ICA1: variants seen among roughly 807,000 people sequenced by gnomAD.
The protein encoded by ICA1 is 69 kDa islet cell autoantigen.
In ICA1, 40 loss-of-function variants were observed where a neutral mutation model predicts 71.0. The ratio of observed to expected loss-of-function variants is 0.56; its 90% CI spans 0.44 to 0.73. The LOEUF is 0.73. Among genes scored for constraint, ICA1 ranks in the 30% least tolerant of loss-of-function variants. The pLI, the probability that ICA1 is intolerant of heterozygous loss-of-function variation, is 0.00. For missense variants in ICA1, 578 were observed against 576.5 expected, an observed-to-expected ratio of 1.00 and a Z score of -0.03; for synonymous variants, 207 against 209.5, an observed-to-expected ratio of 0.99 and a Z score of 0.10.
At chr7:8,189,965 C>T (rs920925751) in intron 6 of ICA1, among the ~76,000 whole-genome samples, 5 of 152,158 alleles carry the variant, frequency 3.3e-5, no homozygotes, top group African/African-American at 7.2e-5. Context: ...GTTCTTTATT[C>T]GTAATGAAGT....
At chr7:8,155,528 A>T (rs1359553567) in intron 8 of ICA1, among the ~76,000 whole-genome samples, 1 of 152,152 alleles carries the variant, frequency 6.6e-6, no homozygotes, top group African/African-American at 2.4e-5. Context: ...TATGCAACTA[A>T]CTCATGCCTG....
intron 6 of ICA1, among the ~76,000 whole-genome samples, chr7:8,162,614 T>C (rs952255786): frequency 6.6e-6 from 1 of 152,228 alleles, no homozygotes; most frequent in Non-Finnish European, 1.5e-5. Context: ...CCTAGATAAG[T>C]TATATTCTAT....
chr7:8,159,266 T>C (rs1315595090), intron 6 of ICA1, among the ~76,000 whole-genome samples: 1 of 152,180 alleles, frequency 6.6e-6, no homozygotes, highest in Non-Finnish European at 1.5e-5. Flanking sequence ...TACTACTGAG[T>C]AACGTGTACT....
chr7:8,242,661 T>C (rs4559144), intron 1 of ICA1, among the ~76,000 whole-genome samples: 67,553 of 151,804 alleles, frequency 0.45, 17,005 homozygotes, highest in African/African-American at 0.69. Context: ...AATTGATAGA[T>C]CACTAGCAAG....
chr7:8,185,902 A>G (rs1313820637), intron 6 of ICA1, among the ~76,000 whole-genome samples: 2 of 152,226 alleles, frequency 1.3e-5, no homozygotes, highest in Non-Finnish European at 2.9e-5. Flanking sequence ...CCAGGCATGT[A>G]GGAGCCTGGG....
rs765800078 is a variant in ICA1, at chr7:8,185,006, G to A, written c.580-26354C>T. Among the ~76,000 whole-genome samples, 40 of 151,928 alleles carry A rather than the reference G, an allele frequency of 2.6e-4. 1 individual carries two copies. The highest frequency in any genetic ancestry group is 8.3e-4 in the South Asian group (4 of 4,806). On this transcript the variant is annotated intron_variant, in intron 6 of 13. Transcript: ENST00000402384. ...GGAGAATTGTTTGAACCTGGGAGGCGGAGGCTGCAGTGACCTGAGATTGTG... is the reference window on the plus strand; with the variant it reads ...GGAGAATTGTTTGAACCTGGGAGGCAGAGGCTGCAGTGACCTGAGATTGTG...
At chr7:8,237,819 G>GACAGACAC (rs948194233) in intron 1 of ICA1, among the ~76,000 whole-genome samples, 1 of 142,088 alleles carries the variant, frequency 7.0e-6, no homozygotes, top group Admixed American at 7.1e-5. Context: ...GTTGAAGACA[G>GACAGACAC]ACACACACAC....
rs75837556 is a variant in ICA1 at position 8,125,191 on chromosome 7, C to T, written c.1330+2682G>A. Among the ~76,000 whole-genome samples, 707 of 152,308 alleles carry T rather than the reference C, an allele frequency of 4.6e-3. 2 individuals are homozygous for T. Among genetic ancestry groups the T allele is most frequent in the African/African-American group, 0.016 (646 of 41,560 alleles). Reference sequence around the variant, plus strand: ...AAATAGGAAATCAGATCATGTTTCTCTTTGGCTCAAGATCCTGTGATGGCT... The same window carrying T: ...AAATAGGAAATCAGATCATGTTTCTTTTTGGCTCAAGATCCTGTGATGGCT... On this transcript the variant is annotated intron_variant, in intron 13 of 13. Transcript: ENST00000402384.
chr7:8,198,501 T>C (rs888331554), intron 6 of ICA1, among the ~76,000 whole-genome samples: 5 of 152,042 alleles, frequency 3.3e-5, no homozygotes, highest in African/African-American at 1.2e-4. Context: ...TGCAGAGACG[T>C]TGATGTGGTT....
chr7:8,201,540 C>T (rs1789688220), intron 6 of ICA1, among the ~76,000 whole-genome samples: 2 of 152,262 alleles, frequency 1.3e-5, no homozygotes, highest in Middle Eastern at 3.4e-3. Context: ...TGCCCCACCG[C>T]CTGTTTGGGA....
intron 6 of ICA1, among the ~76,000 whole-genome samples, chr7:8,209,215 G>T (rs971925050): frequency 6.6e-6 from 1 of 152,116 alleles, no homozygotes; most frequent in African/African-American, 2.4e-5. Context: ...TTAGAGAAAT[G>T]TCACATGGAA....
At chr7:8,114,160 C>G (rs1309289940) in intron 13 of ICA1, 116 bp from the exon 14 acceptor site, 10 of 1,119,586 alleles carry the variant, frequency 8.9e-6, no homozygotes, top group Non-Finnish European at 1.2e-5. Flanking sequence ...TCAGACAAAT[C>G]CCTTTGCACT....
At chr7:8,158,506 C>CA (rs1205917066) in intron 7 of ICA1, 21 bp downstream of exon 7, 3 of 1,613,052 alleles carry the variant, frequency 1.9e-6, no homozygotes, top group Non-Finnish European at 2.5e-6. Flanking sequence ...TGGTTCATTG[C>CA]AACAAACATT....
chr7:8,155,959 A>G (rs1225774566), intron 8 of ICA1, among the ~76,000 whole-genome samples: 1 of 152,246 alleles, frequency 6.6e-6, no homozygotes, highest in Non-Finnish European at 1.5e-5. Flanking sequence ...TGAAGTGCTT[A>G]TAGTTGACAG....
Position 8,246,584 on chromosome 7 carries a change from C to A in ICA1, c.-79-10579G>T, listed in dbSNP as rs927837788. The stretch of plus-strand genomic sequence containing the variant: ...TGATGGGGTTACAATATATTCACCT[C>A]ATGGTCCAAAGCCAGGCATTAAAAC... On this transcript the variant is annotated intron_variant, in intron 1 of 13. Coordinates refer to ENST00000402384, the MANE Select transcript of ICA1 (RefSeq NM_001136020.3). Among the ~76,000 whole-genome samples, 7 of 152,316 alleles carry A rather than the reference C, an allele frequency of 4.6e-5. No individual in the cohort carries two copies. In the East Asian group the frequency reaches 1.2e-3, roughly 25 times the overall value.
At chr7:8,176,139 T>A (rs111317348) in intron 6 of ICA1, among the ~76,000 whole-genome samples, 1 of 152,248 alleles carries the variant, frequency 6.6e-6, no homozygotes, top group Admixed American at 6.5e-5. Flanking sequence ...TCTCCTCTTG[T>A]ACGAAACACA....
chr7:8,225,705 GAT>G (rs1412440980), intron 4 of ICA1, among the ~76,000 whole-genome samples: 5 of 152,126 alleles, frequency 3.3e-5, no homozygotes, highest in Non-Finnish European at 1.5e-5. Flanking sequence ...TATCTGTATA[GAT>G]ATTAAAAACA....
intron 1 of ICA1, among the ~76,000 whole-genome samples, chr7:8,239,972 C>T (rs1803219617): frequency 6.6e-6 from 1 of 152,212 alleles, no homozygotes; most frequent in South Asian, 2.1e-4. Flanking sequence ...GGGGGAAGGG[C>T]ATCGCTGAAC....
chr7:8,242,886 T>C (rs928040425), intron 1 of ICA1, among the ~76,000 whole-genome samples: 4 of 152,188 alleles, frequency 2.6e-5, no homozygotes, highest in African/African-American at 7.2e-5. Flanking sequence ...AATCTCTGAA[T>C]AGACCAATAA....
Sources: allele counts gnomAD v4.1 joint callset (sites outside exome capture counted in the v4.1 genomes callset), GRCh38; gene constraint gnomAD v4.1.1; transcripts MANE v1.5; gene names NCBI Gene and HGNC (gene_info 2026-07-23, HGNC 2026-07-21).